Variants in MTHFS observed in about 807,000 individuals in gnomAD.
The protein encoded by MTHFS is methenyltetrahydrofolate synthetase.
In MTHFS, 7 loss-of-function variants were observed where a neutral mutation model predicts 12.7. That is an observed-to-expected ratio of 0.55 (90% CI 0.31 to 1.03). The LOEUF (loss-of-function observed/expected upper bound fraction) is 1.03, where lower values mean the gene tolerates loss of function less well. Ranked by LOEUF, MTHFS falls within the 50% of genes least tolerant of loss-of-function variation. MTHFS has a pLI of 0.05. For missense variants in MTHFS, 252 were observed against 258.1 expected, an observed-to-expected ratio of 0.98 and a Z score of 0.16; for synonymous variants, 100 against 97.1, an observed-to-expected ratio of 1.03 and a Z score of -0.18.
At chr15:79,897,103 G>C (rs531325327), upstream of MTHFS, 9,880 of 1,028,170 alleles carry the variant, frequency 9.6e-3, 61 homozygotes, top group Middle Eastern at 0.018. Flanking sequence ...GTCGGGGCTC[G>C]GGGAAGCGCC....
intron 2 of MTHFS, among the ~76,000 whole-genome samples, chr15:79,867,929 G>C (rs892006860): frequency 1.3e-5 from 2 of 152,074 alleles, no homozygotes; most frequent in Non-Finnish European, 2.9e-5. Context: ...GTGTGTGTGA[G>C]AGAGAGAGAG....
chr15:79,848,208 C>G (rs1170695112), intron 2 of MTHFS, among the ~76,000 whole-genome samples: 2 of 152,158 alleles, frequency 1.3e-5, no homozygotes, highest in Non-Finnish European at 2.9e-5. Flanking sequence ...CATGGATAAG[C>G]CTGGAAGATA....
At position 79,843,851 on chromosome 15, in the gene MTHFS, A is replaced by T. The variant is rs1294760165; in HGVS notation, c.*1359T>A. On this transcript the variant is annotated 3_prime_UTR_variant, in exon 3 of 3. Coordinates refer to ENST00000258874, the MANE Select transcript of MTHFS (RefSeq NM_006441.4). ...CAAGGCCACTCAGACAAGGGAAGGA[A>T]CACTCACTCTGCTTGGGAAAGTAGC... is the stretch of plus-strand genomic sequence containing the variant. 1 of 152,282 alleles carries T rather than the reference A, an allele frequency of 6.6e-6. No individual in the cohort carries two copies. Among genetic ancestry groups the T allele is most frequent in the East Asian group, 1.9e-4 (1 of 5,208 alleles). The allele number at this position is 152,282 out of a possible 1,614,324, so 9.4% of individuals were successfully genotyped here. A position where few individuals can be genotyped will look rare whatever the true frequency, so the allele number is the denominator to read the frequency against.
At chr15:79,881,785 G>C (rs2034300066) in intron 2 of MTHFS, among the ~76,000 whole-genome samples, 1 of 152,164 alleles carries the variant, frequency 6.6e-6, no homozygotes, top group African/African-American at 2.4e-5. Flanking sequence ...GAAGTGTGAA[G>C]AAAAATGGCA....
At position 79,861,589 on chromosome 15, in the gene MTHFS, G is replaced by T. The variant is rs113773044; in HGVS notation, c.380-16147C>A. 4.0e-3 allele frequency among the ~76,000 whole-genome samples: 615 copies of T among 152,322 alleles called. 6 individuals are homozygous for T. Among genetic ancestry groups the T allele is most frequent in the African/African-American group, 0.014 (598 of 41,564 alleles). On this transcript the variant is annotated intron_variant, in intron 2 of 2. Transcript: ENST00000258874. ...ATTCATAGCCATTTCATGGATAGATGTTGATCCCATGGACTTACTTGCATA... is the reference window on the plus strand; with the variant it reads ...ATTCATAGCCATTTCATGGATAGATTTTGATCCCATGGACTTACTTGCATA...
chr15:79,896,713 G>T (rs2034578416), intron 1 of MTHFS, 159 bp downstream of exon 1: 2 of 1,271,792 alleles, frequency 1.6e-6, no homozygotes, highest in Non-Finnish European at 2.1e-6. Flanking sequence ...CCACGACTAG[G>T]GGGCGTGCGC....
At chr15:79,846,389 A>G (rs952455960) in intron 2 of MTHFS, among the ~76,000 whole-genome samples, 1 of 152,176 alleles carries the variant, frequency 6.6e-6, no homozygotes, top group African/African-American at 2.4e-5. Context: ...GGTGACCTAT[A>G]GCTTAGTTGT....
In MTHFS at chr15:79,851,884, T is replaced by C. The variant is rs1433521863; in HGVS notation, c.380-6442A>G. ...GGTAGTACAGGAGAGGGGTTAAGTGTGTAGGATTCTAGACAGGCTGCCTGG... is the reference window on the plus strand; with the variant it reads ...GGTAGTACAGGAGAGGGGTTAAGTGCGTAGGATTCTAGACAGGCTGCCTGG... On this transcript the variant is annotated intron_variant, in intron 2 of 2. Coordinates refer to ENST00000258874, the MANE Select transcript of MTHFS (RefSeq NM_006441.4). 2.0e-5 allele frequency among the ~76,000 whole-genome samples: 3 copies of C among 152,208 alleles called. No individual in the cohort carries two copies. The South Asian group carries it at 6.2e-4, about 31-fold the overall frequency.
intron 2 of MTHFS, among the ~76,000 whole-genome samples, chr15:79,857,343 A>T (rs533372263): frequency 2.0e-5 from 3 of 152,238 alleles, no homozygotes; most frequent in Admixed American, 1.3e-4. Context: ...TCCAAGCCTT[A>T]AGAGTTTAGT....
chr15:79,865,358 G>A (rs998098177), intron 2 of MTHFS, among the ~76,000 whole-genome samples: 10 of 152,150 alleles, frequency 6.6e-5, no homozygotes, highest in African/African-American at 2.2e-4. Flanking sequence ...TAGAAACCAG[G>A]AAAGAATGCC....
intron 2 of MTHFS, among the ~76,000 whole-genome samples, chr15:79,873,967 A>C (rs1038528122): frequency 6.6e-6 from 1 of 152,212 alleles, no homozygotes; most frequent in Non-Finnish European, 1.5e-5. Context: ...AACTATAGGG[A>C]TATGCAGGGA....
rs115786071 is a variant in MTHFS at position 79,856,433 on chromosome 15, G to C, written c.380-10991C>G. 4.3e-3 allele frequency among the ~76,000 whole-genome samples: 661 copies of C among 152,226 alleles called. 6 individuals carry two copies. The highest frequency in any genetic ancestry group is 0.015 in the African/African-American group (635 of 41,530). On this transcript the variant is annotated intron_variant, in intron 2 of 2. Coordinates refer to ENST00000258874, the MANE Select transcript of MTHFS (RefSeq NM_006441.4). Reference sequence around the variant, plus strand: ...CAGATCTCTTTAGAATCAAAGCTTAGTGACTCTGAGAATTTAAGGACAATA... The same window carrying C: ...CAGATCTCTTTAGAATCAAAGCTTACTGACTCTGAGAATTTAAGGACAATA...
At position 79,843,867 on chromosome 15, in the gene MTHFS, G is replaced by A. The variant is rs926729968; in HGVS notation, c.*1343C>T. On this transcript the variant is annotated 3_prime_UTR_variant, in exon 3 of 3. Coordinates refer to ENST00000258874, the MANE Select transcript of MTHFS (RefSeq NM_006441.4). ...AGGGAAGGAACACTCACTCTGCTTG[G>A]GAAAGTAGCAGAAGACTTCACAGAA... 2 of 152,190 alleles carry A rather than the reference G, an allele frequency of 1.3e-5. No individual in the cohort carries two copies. Among genetic ancestry groups the A allele is most frequent in the African/African-American group, 4.8e-5 (2 of 41,442 alleles). The allele number at this position is 152,190 out of a possible 1,614,324, so 9.4% of individuals were successfully genotyped here. A position where few individuals can be genotyped will look rare whatever the true frequency, so the allele number is the denominator to read the frequency against.
chr15:79,848,587 CA>C (rs1233840736), intron 2 of MTHFS, among the ~76,000 whole-genome samples: 3 of 152,104 alleles, frequency 2.0e-5, no homozygotes, highest in African/African-American at 7.2e-5. Context: ...ATACAATACA[CA>C]AGAAAGAAAA....
chr15:79,888,155 A>C (rs921237901), intron 2 of MTHFS, among the ~76,000 whole-genome samples: 2 of 152,184 alleles, frequency 1.3e-5, no homozygotes, highest in Non-Finnish European at 1.5e-5. Context: ...TTTCATAATG[A>C]TAAAACTTCC....
chr15:79,880,598 GC>G (rs2034279923), intron 2 of MTHFS, among the ~76,000 whole-genome samples: 1 of 151,662 alleles, frequency 6.6e-6, no homozygotes, highest in South Asian at 2.1e-4. Context: ...AGGGCACTGT[GC>G]TAAGCCCAAA....
chr15:79,896,301 T>A (rs1427808193), intron 1 of MTHFS, among the ~76,000 whole-genome samples: 1 of 152,216 alleles, frequency 6.6e-6, no homozygotes, highest in Non-Finnish European at 1.5e-5. Context: ...GCCTTAGCCC[T>A]CCATATGCTT....
intron 1 of MTHFS, among the ~76,000 whole-genome samples, chr15:79,895,940 G>A (rs939666291): frequency 1.3e-5 from 2 of 152,106 alleles, no homozygotes; most frequent in Non-Finnish European, 2.9e-5. Context: ...ACTTATTCAG[G>A]GGACATTAAA....
chr15:79,847,508 TC>T lies in MTHFS; in HGVS notation c.380-2067del, dbSNP rs530956228. Among the ~76,000 whole-genome samples the T allele has an allele frequency of 4.6e-3, 701 of 151,408 alleles. 10 individuals carry two copies. The highest frequency in any genetic ancestry group is 0.016 in the African/African-American group (660 of 41,282). ...GATCATCCTGGCTAACATGGTGAAA[TC>T]CCGTCTCTACTAAAAATACAAAATA... On this transcript the variant is annotated intron_variant, in intron 2 of 2. Coordinates refer to ENST00000258874, the MANE Select transcript of MTHFS (RefSeq NM_006441.4).
Sources: gnomAD v4.1 joint callset for allele counts (sites outside exome capture counted in the v4.1 genomes callset) on GRCh38, gnomAD v4.1.1 for gene constraint, MANE v1.5 for transcripts, NCBI Gene and HGNC (gene_info 2026-07-23, HGNC 2026-07-21) for gene names.